Variants in GPC6 observed in about 807,000 individuals in gnomAD.
GPC6 encodes glypican-6.
In GPC6, 14 loss-of-function variants were observed where a neutral mutation model predicts 55.2. The ratio of observed to expected loss-of-function variants is 0.25; its 90% CI spans 0.17 to 0.40. GPC6 has a LOEUF of 0.40. GPC6 is among the 10% of genes least tolerant of loss of function. The pLI, the probability that GPC6 is intolerant of heterozygous loss-of-function variation, is 1.00. For missense variants in GPC6, 641 were observed against 708.5 expected (o/e 0.90, Z 1.08); for synonymous variants, 278 against 259.6 (o/e 1.07, Z -0.68).
intron 1 of GPC6, among the ~76,000 whole-genome samples, chr13:93,269,950 GAGATATGAGTAAGTTTAA>G (rs1877460407): frequency 7.0e-6 from 1 of 143,156 alleles, no homozygotes; most frequent in Non-Finnish European, 1.6e-5. Flanking sequence ...AAGTTTAAAA[GAGATATGAGTAAGTTTAA>G]AAGTCCCCAC....
chr13:94,378,105 G>T (rs1180262724), intron 6 of GPC6, among the ~76,000 whole-genome samples: 1 of 152,138 alleles, frequency 6.6e-6, no homozygotes, highest in African/African-American at 2.4e-5. Context: ...TAGATGACGA[G>T]TTAGTGGGTG....
chr13:93,638,109 C>T (rs1165799883), intron 2 of GPC6, among the ~76,000 whole-genome samples: 2 of 152,062 alleles, frequency 1.3e-5, no homozygotes, highest in Non-Finnish European at 2.9e-5. Flanking sequence ...TAGAGTGACA[C>T]ATTGTAGCTT....
At chr13:93,445,181 G>A (rs1225133214) in intron 1 of GPC6, among the ~76,000 whole-genome samples, 5 of 152,116 alleles carry the variant, frequency 3.3e-5, no homozygotes, top group African/African-American at 9.7e-5. Context: ...CTGTACCAAC[G>A]TCTGGAGTAG....
the GPC6 span, among the ~76,000 whole-genome samples, chr13:93,217,337 C>T: frequency 6.6e-6 from 1 of 152,210 alleles, no homozygotes; most frequent in Admixed American, 6.5e-5. Context: ...GATCTTACTT[C>T]TCGTTAGTTA....
rs564077015 is a variant in GPC6 at position 94,191,518 on chromosome 13, G to A, written c.878-94831G>A. ...ACACTGCACGGCATCAGGACAGTGA[G>A]CGATGTCCTTGGAAATGGCCTCTTT... On this transcript the variant is annotated intron_variant, in intron 4 of 8. Coordinates refer to ENST00000377047, the MANE Select transcript of GPC6 (RefSeq NM_005708.5). 2.9e-4 allele frequency among the ~76,000 whole-genome samples: 44 copies of A among 152,100 alleles called. 1 individual carries two copies. The highest frequency in any genetic ancestry group is 9.9e-4 in the African/African-American group (41 of 41,494).
chr13:93,391,511 T>C (rs1875630691), intron 1 of GPC6, among the ~76,000 whole-genome samples: 1 of 152,216 alleles, frequency 6.6e-6, no homozygotes, highest in African/African-American at 2.4e-5. Context: ...GAAAGACCTT[T>C]CAGGAGTAAG....
At chr13:93,989,079 GA>G (rs1328306461) in intron 3 of GPC6, among the ~76,000 whole-genome samples, 2 of 151,650 alleles carry the variant, frequency 1.3e-5, no homozygotes, top group East Asian at 1.9e-4. Flanking sequence ...CATACAATTG[GA>G]AAAAAAAGTG....
intron 3 of GPC6, among the ~76,000 whole-genome samples, chr13:93,968,161 C>T (rs1439026562): frequency 6.6e-6 from 1 of 152,086 alleles, no homozygotes; most frequent in African/African-American, 2.4e-5. Context: ...TAGTAAAATG[C>T]TCATTGTTAG....
chr13:94,376,337 C>T (rs1427056219), intron 6 of GPC6, among the ~76,000 whole-genome samples: 3 of 146,732 alleles, frequency 2.0e-5, no homozygotes, highest in Non-Finnish European at 4.5e-5. Flanking sequence ...AGCTGATAAG[C>T]AACTTCAGCA....
At chr13:93,617,705 A>G (rs1878783140) in intron 2 of GPC6, among the ~76,000 whole-genome samples, 1 of 152,134 alleles carries the variant, frequency 6.6e-6, no homozygotes. Flanking sequence ...GAGTTGGAAA[A>G]TAACATTCTA....
chr13:94,312,247 T>C (rs1876285300), intron 6 of GPC6, among the ~76,000 whole-genome samples: 1 of 152,198 alleles, frequency 6.6e-6, no homozygotes, highest in South Asian at 2.1e-4. Flanking sequence ...CATCGGTAGG[T>C]CACTGGTGAC....
chr13:94,275,391 G>A (rs963361111), intron 4 of GPC6, among the ~76,000 whole-genome samples: 1 of 152,106 alleles, frequency 6.6e-6, no homozygotes, highest in East Asian at 1.9e-4. Context: ...AATGAGTTAC[G>A]TCTACATCTA....
intron 1 of GPC6, among the ~76,000 whole-genome samples, chr13:93,324,587 C>T (rs9556279): frequency 3.1e-4 from 38 of 122,860 alleles, no homozygotes; most frequent in Admixed American, 1.7e-3. Context: ...CACATACATA[C>T]ATATATATAT....
intron 2 of GPC6, among the ~76,000 whole-genome samples, chr13:93,553,733 G>A (rs1430702400): frequency 6.6e-6 from 1 of 150,916 alleles, no homozygotes; most frequent in Non-Finnish European, 1.5e-5. Flanking sequence ...GAATGAGATG[G>A]GCAGAAAGAT....
chr13:93,881,862 C>G (rs2225335), intron 3 of GPC6, among the ~76,000 whole-genome samples: 41,994 of 151,710 alleles, frequency 0.28, 6,136 homozygotes, highest in Non-Finnish European at 0.32. Context: ...CATGATCTGC[C>G]ATTTATTCTC....
chr13:93,431,708 T>C (rs1483084067), intron 1 of GPC6, among the ~76,000 whole-genome samples: 3 of 152,132 alleles, frequency 2.0e-5, no homozygotes, highest in African/African-American at 7.2e-5. Context: ...ACTAGGAGCC[T>C]GGATATTAAG....
At chr13:93,374,914 C>T (rs1369215799) in intron 1 of GPC6, among the ~76,000 whole-genome samples, 1 of 152,122 alleles carries the variant, frequency 6.6e-6, no homozygotes, top group Non-Finnish European at 1.5e-5. Context: ...TGGCCTGAGA[C>T]ATGAATCATG....
chr13:93,308,365 G>T (rs752728040), intron 1 of GPC6, among the ~76,000 whole-genome samples: 1 of 152,232 alleles, frequency 6.6e-6, no homozygotes, highest in Non-Finnish European at 1.5e-5. Flanking sequence ...TGACTGAGAA[G>T]TAACTGGTGC....
intron 1 of GPC6, among the ~76,000 whole-genome samples, chr13:93,342,425 T>A (rs1331788545): frequency 6.6e-6 from 1 of 152,092 alleles, no homozygotes; most frequent in Non-Finnish European, 1.5e-5. Flanking sequence ...AGAGAGTGTA[T>A]GCAGGAGAAC....
Sources: allele counts gnomAD v4.1 joint callset (sites outside exome capture counted in the v4.1 genomes callset), GRCh38; gene constraint gnomAD v4.1.1; transcripts MANE v1.5; gene names NCBI Gene and HGNC (gene_info 2026-07-23, HGNC 2026-07-21).